AK5: variants seen among roughly 807,000 people sequenced by gnomAD.
AK5 encodes adenylate kinase 5.
AK5 carries 27 observed loss-of-function variants against 69.5 expected under a neutral mutation model. That is an observed-to-expected ratio of 0.39 (90% CI 0.29 to 0.54). AK5 has a LOEUF of 0.54. AK5 is among the 20% of genes least tolerant of loss of function. The pLI, the probability that AK5 is intolerant of heterozygous loss-of-function variation, is 0.71. For missense variants in AK5, 531 were observed against 700.4 expected (o/e 0.76, Z 2.73); for synonymous variants, 260 against 244.4 (o/e 1.06, Z -0.60).
At chr1:77,290,774 A>G (rs1658643134) in intron 2 of AK5, among the ~76,000 whole-genome samples, 2 of 152,214 alleles carry the variant, frequency 1.3e-5, no homozygotes, top group African/African-American at 4.8e-5. Flanking sequence ...TAAATTAACC[A>G]TTTATTGAGT....
chr1:77,394,244 C>T (rs1648681966), intron 6 of AK5, among the ~76,000 whole-genome samples: 1 of 151,642 alleles, frequency 6.6e-6, no homozygotes, highest in South Asian at 2.1e-4. Flanking sequence ...GAAAAAATGT[C>T]GTAAATCTGA....
At chr1:77,371,971 T>G (rs569716811) in intron 6 of AK5, among the ~76,000 whole-genome samples, 1 of 152,312 alleles carries the variant, frequency 6.6e-6, no homozygotes, top group East Asian at 1.9e-4. Flanking sequence ...CACTTCCCCA[T>G]GAAGGTGTGA....
At chr1:77,427,540 C>G (rs567317591) in intron 8 of AK5, among the ~76,000 whole-genome samples, 1 of 152,008 alleles carries the variant, frequency 6.6e-6, no homozygotes, top group African/African-American at 2.4e-5. Flanking sequence ...GTGAATTTTA[C>G]CAAACATTTA....
At chr1:77,385,295 G>A (rs1203211724) in intron 6 of AK5, among the ~76,000 whole-genome samples, 2 of 152,034 alleles carry the variant, frequency 1.3e-5, no homozygotes, top group African/African-American at 2.4e-5. Context: ...GAGTAGCTGG[G>A]ACTACAGGTG....
At chr1:77,322,914 C>A (rs147130024) in intron 5 of AK5, among the ~76,000 whole-genome samples, 53 of 152,230 alleles carry the variant, frequency 3.5e-4, no homozygotes, top group African/African-American at 1.2e-3. Context: ...AGAGAGAATG[C>A]ATTTAGTTTC....
At position 77,286,923 on chromosome 1, in the gene AK5, T is replaced by A. The variant is rs373457972; in HGVS notation, c.61-18T>A. On this transcript the variant is annotated intron_variant, in intron 1 of 13. Transcript: ENST00000354567. ...GTTTAAAAGATATTTTATTTGTACA[T>A]ATTTTGTTATATTTCAGAGCCTTTT... is the stretch of plus-strand genomic sequence containing the variant. 7.6e-5 allele frequency: 104 copies of A among 1,365,704 alleles called. No individual in the cohort carries two copies. In the Admixed American group the frequency reaches 8.4e-4, roughly 11 times the overall value. 84.6% of individuals were successfully genotyped at this position (1,365,704 alleles called of 1,614,324 possible).
intron 8 of AK5, among the ~76,000 whole-genome samples, chr1:77,436,195 G>A (rs959841895): frequency 1.3e-5 from 2 of 151,466 alleles, no homozygotes; most frequent in Non-Finnish European, 1.5e-5. Flanking sequence ...TTCTAAATTC[G>A]TATTTTGAAA....
chr1:77,452,224 T>C (rs1042285276), intron 8 of AK5, among the ~76,000 whole-genome samples: 1 of 152,280 alleles, frequency 6.6e-6, no homozygotes, highest in African/African-American at 2.4e-5. Flanking sequence ...AAATGAGCTA[T>C]GTTGTTCTAT....
chr1:77,554,600 T>G, intron 13 of AK5, among the ~76,000 whole-genome samples: 1 of 151,902 alleles, frequency 6.6e-6, no homozygotes, highest in Non-Finnish European at 1.5e-5. Flanking sequence ...TATTTGGGTT[T>G]TGTTTTTGTT....
At chr1:77,493,510 A>G (rs1405781973) in intron 10 of AK5, among the ~76,000 whole-genome samples, 1 of 152,176 alleles carries the variant, frequency 6.6e-6, no homozygotes, top group Non-Finnish European at 1.5e-5. Context: ...GCAACAGGAT[A>G]TATACGTCCA....
At chr1:77,318,070 A>G (rs1660331495) in intron 5 of AK5, among the ~76,000 whole-genome samples, 1 of 152,164 alleles carries the variant, frequency 6.6e-6, no homozygotes, top group Non-Finnish European at 1.5e-5. Context: ...CATTATCCCA[A>G]TTGTATTAGT....
intron 8 of AK5, among the ~76,000 whole-genome samples, chr1:77,429,676 G>T (rs74092618): frequency 0.031 from 4,732 of 152,212 alleles, 246 homozygotes; most frequent in African/African-American, 0.11. Context: ...CTCCAGGATG[G>T]TCTAGATCTC....
intron 6 of AK5, among the ~76,000 whole-genome samples, 194 bp from the exon 7 acceptor site, chr1:77,410,787 T>G (rs1413482590): frequency 6.6e-6 from 1 of 152,204 alleles, no homozygotes; most frequent in Admixed American, 6.5e-5. Flanking sequence ...ATTTATTCCC[T>G]AATACTCTTC....
chr1:77,293,067 T>G (rs1557468577), intron 2 of AK5, among the ~76,000 whole-genome samples: 1 of 152,160 alleles, frequency 6.6e-6, no homozygotes, highest in Non-Finnish European at 1.5e-5. Context: ...AAACTTAAAC[T>G]TTTACATCTT....
intron 5 of AK5, chr1:77,313,645 C>T (rs747126667): frequency 1.0e-5 from 4 of 393,472 alleles, no homozygotes; most frequent in Admixed American, 3.0e-5. Flanking sequence ...GGAGTCCATA[C>T]TCTACAGCAC....
chr1:77,475,544 A>ATT (rs369376502), intron 8 of AK5, among the ~76,000 whole-genome samples: 12 of 104,470 alleles, frequency 1.1e-4, no homozygotes, highest in South Asian at 3.4e-4. Context: ...ACAAATATAT[A>ATT]TTATATATAT....
At chr1:77,340,810 C>T in intron 6 of AK5, 1 of 380,922 alleles carries the variant, frequency 2.6e-6, no homozygotes, top group Non-Finnish European at 4.7e-6. Flanking sequence ...TTAACCTTGG[C>T]CAAAATTCTG....
intron 6 of AK5, among the ~76,000 whole-genome samples, chr1:77,378,072 A>G (rs949580424): frequency 2.6e-5 from 4 of 152,132 alleles, no homozygotes; most frequent in African/African-American, 9.7e-5. Context: ...CATCGGGTAT[A>G]TGTCATCATA....
At chr1:77,324,699 G>GA (rs11384873) in intron 5 of AK5, among the ~76,000 whole-genome samples, 63,542 of 145,568 alleles carry the variant, frequency 0.44, 13,645 homozygotes, top group African/African-American at 0.47. Flanking sequence ...TCTTTATAGG[G>GA]AAAAAAAAAA....
Sources: allele counts gnomAD v4.1 joint callset (sites outside exome capture counted in the v4.1 genomes callset), GRCh38; gene constraint gnomAD v4.1.1; transcripts MANE v1.5; gene names NCBI Gene and HGNC (gene_info 2026-07-23, HGNC 2026-07-21).